Variants in C20orf96 observed in about 807,000 individuals in gnomAD.
C20orf96 encodes uncharacterized protein C20orf96.
Under a neutral mutation model 52.6 loss-of-function variants are expected in C20orf96, and 57 were observed. The observed-to-expected ratio is 1.08, with a 90% CI of 0.88 to 1.35. C20orf96 has a LOEUF of 1.35. Among genes scored for constraint, C20orf96 ranks in the 40% most tolerant of loss-of-function variants. The pLI, the probability that C20orf96 is intolerant of heterozygous loss-of-function variation, is 0.00. For synonymous variants in C20orf96, 168 were observed against 157.2 expected (o/e 1.07, Z -0.51); for missense variants, 478 against 443.6 (o/e 1.08, Z -0.70).
intron 10 of C20orf96, among the ~76,000 whole-genome samples, chr20:274,921 G>A (rs2011970029): frequency 6.6e-6 from 1 of 152,060 alleles, no homozygotes; most frequent in Non-Finnish European, 1.5e-5. Context: ...CCAGGTTCAA[G>A]CAATTCTCTG....
rs148500999 is a variant in C20orf96 at position 278,400 on chromosome 20, G to C, written c.495C>G (p.Asn165Lys). ...ATTTCAATTGCTGCAGCCTCTTCTTGTTTGAGTACTCCAAGATGTCGATGA... is the reference window on the plus strand; with the variant it reads ...ATTTCAATTGCTGCAGCCTCTTCTTCTTTGAGTACTCCAAGATGTCGATGA... ...ATIIDILEYS[N>K]KKRLQQLKSE... Residue 165 changes from asparagine (N) to lysine (K), a missense_variant, in exon 6 of 11, where the codon AAC becomes AAG. By Grantham distance (94) the Asn-to-Lys change is moderately conservative. Transcript: ENST00000360321. The C allele has an allele frequency of 5.0e-6, 8 of 1,613,706 alleles. No individual in the cohort carries two copies. The highest frequency in any genetic ancestry group is 2.2e-5 in the South Asian group (2 of 91,074).
rs767503091 is a variant in C20orf96, at chr20:277,063, ATTT to A, written c.803_805del (p.Lys268del). The A allele has an allele frequency of 3.1e-6, 5 of 1,613,572 alleles. No individual in the cohort carries two copies. The highest frequency in any genetic ancestry group is 1.7e-5 in the Admixed American group (1 of 59,992). The stretch of plus-strand genomic sequence containing the variant: ...ACTCACCGCCACCACAGAACTCAGA[ATTT>A]TTTTCTTCTTCTTCTGAATCTTGTC... On this transcript the variant is annotated inframe_deletion, in exon 8 of 11. Transcript: ENST00000360321.
chr20:277,230 T>A lies in C20orf96; in HGVS notation c.719A>T (p.Gln240Leu), dbSNP rs761344398. 11 of 1,614,164 alleles carry A rather than the reference T, an allele frequency of 6.8e-6. No homozygotes were observed. Among genetic ancestry groups the A allele is most frequent in the Non-Finnish European group, 8.5e-6 (10 of 1,180,014 alleles). ...MRQLQQVKDS[Q>L]QDELDDLGEM... The stretch of plus-strand genomic sequence containing the variant: ...GAGGGGCAGGGGCTCCCCTACCTGC[T>A]GGCTGTCCTTAACCTGCTGCAGCTG... Residue 240 changes from glutamine to leucine, a missense_variant, in exon 7 of 11, where the codon CAG becomes CTG. Transcript: ENST00000360321.
At position 278,370 on chromosome 20, in the gene C20orf96, C is replaced by T. The variant is rs1385202244; in HGVS notation, c.525G>A (p.Glu175=). 6.2e-6 allele frequency: 10 copies of T among 1,614,058 alleles called. No individual in the cohort carries two copies. The highest frequency in any genetic ancestry group is 1.1e-5 in the South Asian group (1 of 91,080). The change falls in exon 6 of 11, where the codon GAG becomes GAA. Residue 175 remains glutamate (E), a synonymous_variant. Transcript: ENST00000360321. ...TCTTCTTTTCTTCCCACTCCTGAAG[C>T]TCAGATTTCAATTGCTGCAGCCTCT... ...NKKRLQQLKS[E]LQEWEEKKKC... is the part of the protein sequence containing the mutation.
At chr20:274,098 T>A (rs139544212) in intron 10 of C20orf96, among the ~76,000 whole-genome samples, 1 of 152,110 alleles carries the variant, frequency 6.6e-6, no homozygotes, top group Non-Finnish European at 1.5e-5. Flanking sequence ...CACTGAGACC[T>A]ACTGACTTGG....
intron 1 of C20orf96, 65 bp downstream of exon 1, chr20:290,526 G>T: frequency 6.3e-7 from 1 of 1,585,712 alleles, no homozygotes; most frequent in Non-Finnish European, 8.6e-7. Context: ...ACAGCGGCGG[G>T]GTGTGAAGTA....
intron 3 of C20orf96, among the ~76,000 whole-genome samples, chr20:286,528 G>GA (rs2012390033): frequency 7.1e-6 from 1 of 139,872 alleles, no homozygotes; most frequent in South Asian, 2.5e-4. Context: ...GACTCTGTCT[G>GA]AAAAAAAGGA....
At chr20:282,981 T>A (rs1049160110) in intron 4 of C20orf96, among the ~76,000 whole-genome samples, 12 of 152,324 alleles carry the variant, frequency 7.9e-5, no homozygotes, top group African/African-American at 2.9e-4. Flanking sequence ...AAAAAAAGGT[T>A]TCAAAGCAAA....
At chr20:283,703 C>G (rs2122300143) in intron 4 of C20orf96, among the ~76,000 whole-genome samples, 1 of 152,240 alleles carries the variant, frequency 6.6e-6, no homozygotes, top group East Asian at 1.9e-4. Context: ...TTAAACAGAA[C>G]AGCAAACGCT....
chr20:290,569 T>TTTC, intron 1 of C20orf96, 22 bp downstream of exon 1: 1 of 1,532,974 alleles, frequency 6.5e-7, no homozygotes, highest in Non-Finnish European at 8.7e-7. Context: ...TCCAATTTTT[T>TTTC]TTTTTTTTTT....
intron 10 of C20orf96, among the ~76,000 whole-genome samples, chr20:274,046 GAAAGA>G (rs371190565): frequency 0.015 from 2,181 of 148,744 alleles, 42 homozygotes; most frequent in African/African-American, 0.053. Flanking sequence ...AGGAAGGAAA[GAAAGA>G]AAAGAAAAGA....
At chr20:282,847 G>A (rs1205689216) in intron 4 of C20orf96, among the ~76,000 whole-genome samples, 1 of 152,090 alleles carries the variant, frequency 6.6e-6, no homozygotes, top group Non-Finnish European at 1.5e-5. Context: ...ACTCCAGCCT[G>A]GGTGACGGAG....
In C20orf96 at chr20:271,137, A is replaced by G; in HGVS notation, c.*70T>C. ...GGTCTGAATGGAGATCCGGTCCTGG[A>G]AGTAAATGATCCAAGGCTCCAGGTG... On this transcript the variant is annotated 3_prime_UTR_variant, in exon 11 of 11. Transcript: ENST00000360321. 1 of 1,308,196 alleles carries G rather than the reference A, an allele frequency of 7.6e-7. No homozygotes were observed. Among genetic ancestry groups the G allele is most frequent in the Non-Finnish European group, 1.1e-6 (1 of 926,630 alleles). The allele number at this position is 1,308,196 out of a possible 1,614,324, so 81.0% of individuals were successfully genotyped here.
chr20:290,725 C>G lies in C20orf96; in HGVS notation c.-115G>C. Reference sequence around the variant, plus strand: ...AGATCGCGCGGTAACCCAGGCCACTCAGAAGTCCCGAGACCCGATGCTTTC... The same window carrying G: ...AGATCGCGCGGTAACCCAGGCCACTGAGAAGTCCCGAGACCCGATGCTTTC... On this transcript the variant is annotated 5_prime_UTR_variant, in exon 1 of 11. Coordinates refer to ENST00000360321, the MANE Select transcript of C20orf96 (RefSeq NM_153269.3). The G allele has an allele frequency of 1.6e-6, 2 of 1,235,180 alleles. No homozygotes were observed. Among genetic ancestry groups the G allele is most frequent in the Non-Finnish European group, 2.2e-6 (2 of 893,924 alleles). The allele number at this position is 1,235,180 out of a possible 1,614,324, so 76.5% of individuals were successfully genotyped here.
chr20:271,795 T>C (rs2011849773), intron 10 of C20orf96, among the ~76,000 whole-genome samples: 1 of 152,202 alleles, frequency 6.6e-6, no homozygotes, highest in Admixed American at 6.5e-5. Flanking sequence ...CAGTCATTGG[T>C]GGAAAGATTA....
chr20:275,986 A>G lies in C20orf96; in HGVS notation c.1013T>C (p.Val338Ala), dbSNP rs964337705. The G allele has an allele frequency of 2.5e-6, 4 of 1,614,078 alleles. No homozygotes were observed. The highest frequency in any genetic ancestry group is 2.7e-5 in the African/African-American group (2 of 74,934). Residue 338 changes from valine (V) to alanine (A), a missense_variant, in exon 10 of 11, where the codon GTT (valine) becomes GCT (alanine). By Grantham distance (64) the Val-to-Ala change is moderately conservative. Coordinates refer to ENST00000360321, the MANE Select transcript of C20orf96 (RefSeq NM_153269.3). ...CACATACTTGGGTCTCCGAAGCAGA[A>G]CATCCTCAAATATGACCTCTCGGGG... ...REPREVIFED[V>A]LLRRPKCTPD...
intron 10 of C20orf96, among the ~76,000 whole-genome samples, chr20:274,893 G>C (rs112694337): frequency 0.15 from 23,278 of 151,876 alleles, 2,269 homozygotes; most frequent in African/African-American, 0.28. Flanking sequence ...AATCTCGGCT[G>C]ACCGCAACCT....
chr20:271,444 ACACACACACACACACAC>A (rs2011836441), intron 10 of C20orf96, among the ~76,000 whole-genome samples, 177 bp from the exon 11 acceptor site: 1 of 49,096 alleles, frequency 2.0e-5, no homozygotes, highest in Non-Finnish European at 3.5e-5. Flanking sequence ...ACACAAGCAT[ACACACACACACACACAC>A]ACACACACAC....
chr20:278,343 T>C lies in C20orf96; in HGVS notation c.552A>G (p.Lys184=), dbSNP rs141943246. The C allele has an allele frequency of 9.4e-5, 152 of 1,613,632 alleles. 1 individual carries two copies. The East Asian group carries it at 2.9e-3, about 30-fold the overall frequency. ...AGGGATTCTTACAGCTCATCTTGCA[T>C]TTCTTCTTTTCTTCCCACTCCTGAA... ...SELQEWEEKK[K]CKMSYLEQQA... The change falls in exon 6 of 11, where the codon AAA becomes AAG. Residue 184 remains lysine, a synonymous_variant. Transcript: ENST00000360321.
Sources: allele counts gnomAD v4.1 joint callset (sites outside exome capture counted in the v4.1 genomes callset), GRCh38; gene constraint gnomAD v4.1.1; transcripts MANE v1.5; gene names NCBI Gene and HGNC (gene_info 2026-07-23, HGNC 2026-07-21).